Variants in SEC14L3 observed in about 807,000 individuals in gnomAD.
The protein encoded by SEC14L3 is SEC14 like lipid binding 3.
Under a neutral mutation model 57.4 loss-of-function variants are expected in SEC14L3, and 56 were observed. The observed-to-expected ratio is 0.97, with a 90% CI of 0.79 to 1.22. SEC14L3 has a LOEUF of 1.22. Ranked by LOEUF, SEC14L3 falls within the 50% of genes most tolerant of loss-of-function variation. The pLI, the probability that SEC14L3 is intolerant of heterozygous loss-of-function variation, is 0.00. For synonymous variants in SEC14L3, 173 were observed against 194.4 expected, an observed-to-expected ratio of 0.89 and a Z score of 0.92; for missense variants, 485 against 511.7, an observed-to-expected ratio of 0.95 and a Z score of 0.50.
chr22:30,455,958 G>T (rs914403099), downstream of SEC14L3, among the ~76,000 whole-genome samples: 3 of 152,104 alleles, frequency 2.0e-5, no homozygotes, highest in African/African-American at 7.2e-5. Context: ...GCCCTATGCT[G>T]CTAGCTTATC....
chr22:30,471,209 T>C (rs1238537025), intron 1 of SEC14L3: 13 of 429,096 alleles, frequency 3.0e-5, no homozygotes, highest in Non-Finnish European at 5.5e-5. Flanking sequence ...TGCTTGAACC[T>C]GGGAGACAGA....
rs551036110 is a variant in SEC14L3 at position 30,469,322 on chromosome 22, A to G, written c.235-626T>C. 4.5e-4 allele frequency among the ~76,000 whole-genome samples: 68 copies of G among 152,220 alleles called. No homozygotes were observed. The South Asian group carries it at 0.014, about 31-fold the overall frequency. ...TGAGACCCCATCCAAAAAAAAAAAAAAAAAGCAGATACTGCTGCTTCTGTA... is the reference window on the plus strand; with the variant it reads ...TGAGACCCCATCCAAAAAAAAAAAAGAAAAGCAGATACTGCTGCTTCTGTA... On this transcript the variant is annotated intron_variant, in intron 4 of 11. Coordinates refer to ENST00000215812, the MANE Select transcript of SEC14L3 (RefSeq NM_174975.5).
chr22:30,467,117 G>T, intron 5 of SEC14L3, 40 bp from the exon 6 acceptor site: 1 of 1,612,648 alleles, frequency 6.2e-7, no homozygotes, highest in Non-Finnish European at 8.5e-7. Context: ...GGAGTTCAGG[G>T]TGTAGGCTTG....
At chr22:30,453,464 G>T (rs5749099) in intron 12 of SEC14L3, among the ~76,000 whole-genome samples, 39,849 of 152,020 alleles carry the variant, frequency 0.26, 5,530 homozygotes, top group East Asian at 0.32. Context: ...CCAGGCTGGG[G>T]TGCAATGGCG....
Position 30,464,824 on chromosome 22 carries a change from C to A in SEC14L3, c.660G>T (p.Leu220Phe), listed in dbSNP as rs775652681. The change falls in exon 8 of 12, where the codon TTG (leucine) becomes TTT (phenylalanine). Residue 220 changes from leucine to phenylalanine, a missense_variant. Leu to Phe is a conservative substitution (Grantham distance 22). Coordinates refer to ENST00000215812, the MANE Select transcript of SEC14L3 (RefSeq NM_174975.5). ...AATTGAGCTGGCACTACTTACTTCC[C>A]AACACAATAATTTTCCTGCGAGTGT... ...SEDTRRKIIV[L>F]GNNWKEGLLK... is the part of the protein sequence containing the mutation. The A allele has an allele frequency of 1.2e-6, 2 of 1,614,022 alleles. No individual in the cohort carries two copies. Among genetic ancestry groups the A allele is most frequent in the Non-Finnish European group, 1.7e-6 (2 of 1,179,924 alleles).
chr22:30,462,167 T>C lies in SEC14L3; in HGVS notation c.690A>G (p.Lys230=). The C allele has an allele frequency of 1.2e-6, 2 of 1,613,692 alleles. No homozygotes were observed. The highest frequency in any genetic ancestry group is 1.1e-5 in the South Asian group (1 of 90,974). The change falls in exon 9 of 12, where the codon AAA becomes AAG. Residue 230 remains lysine (K), a synonymous_variant. Coordinates refer to ENST00000215812, the MANE Select transcript of SEC14L3 (RefSeq NM_174975.5). ...CAGGCAGTTCCTCAGGACTGATGAG[T>C]TTCAGCAAACCTTCCTTCCAGTTAT... ...LGNNWKEGLL[K]LISPEELPAQ...
chr22:30,466,433 C>T, intron 6 of SEC14L3, 39 bp from the exon 7 acceptor site: 2 of 1,613,844 alleles, frequency 1.2e-6, no homozygotes, highest in Non-Finnish European at 8.5e-7. Flanking sequence ...GAGCACATCA[C>T]ATCTTCTCCT....
intron 11 of SEC14L3, among the ~76,000 whole-genome samples, chr22:30,460,373 C>T (rs1569227664): frequency 6.6e-6 from 1 of 152,176 alleles, no homozygotes; most frequent in Non-Finnish European, 1.5e-5. Context: ...TTACTGGCAT[C>T]GAGAACAATG....
chr22:30,453,121 T>C (rs546420002), intron 12 of SEC14L3, among the ~76,000 whole-genome samples: 1 of 152,168 alleles, frequency 6.6e-6, no homozygotes, highest in Non-Finnish European at 1.5e-5. Context: ...TTCAGGTACC[T>C]CAACAGGATA....
At chr22:30,470,177 C>T in intron 3 of SEC14L3, 35 bp downstream of exon 3, 1 of 1,613,874 alleles carries the variant, frequency 6.2e-7, no homozygotes, top group African/African-American at 1.3e-5. Flanking sequence ...CCTGACAAAT[C>T]CCCTCCATAA....
intron 3 of SEC14L3, 55 bp from the exon 4 acceptor site, chr22:30,470,133 G>GGGA: frequency 6.2e-7 from 1 of 1,612,516 alleles, no homozygotes; most frequent in Non-Finnish European, 8.5e-7. Flanking sequence ...CCTGAGAACA[G>GGGA]GGATGGAAGG....
In SEC14L3 at chr22:30,461,604, A is replaced by G. The variant is rs780634637; in HGVS notation, c.862T>C (p.Ser288Pro). Residue 288 changes from serine (S) to proline (P), a missense_variant, in exon 10 of 12, where the codon TCA (serine) becomes CCA (proline). Ser to Pro is a moderately conservative substitution (Grantham distance 74, BLOSUM62 -1). Transcript: ENST00000215812. Reference sequence around the variant, plus strand: ...ATCTCGTATTCCACTTGGTGTGATGAGCCGCGGTTGATCTGCACCGAGTGC... The same window carrying G: ...ATCTCGTATTCCACTTGGTGTGATGGGCCGCGGTTGATCTGCACCGAGTGC... The part of the protein sequence containing the change: ...YEHSVQINRG[S>P]SHQVEYEILF... 1.2e-6 allele frequency: 2 copies of G among 1,613,970 alleles called. No individual in the cohort carries two copies. The highest frequency in any genetic ancestry group is 1.7e-6 in the Non-Finnish European group (2 of 1,180,002).
chr22:30,456,852 T>G (rs1185511429), downstream of SEC14L3, among the ~76,000 whole-genome samples: 11 of 152,158 alleles, frequency 7.2e-5, no homozygotes, highest in Non-Finnish European at 1.2e-4. Flanking sequence ...GAAGCCTGCC[T>G]CTTACTGGCT....
At chr22:30,448,289 C>G (rs1017640247) in exon 13 of SEC14L3, 1 of 152,258 alleles carries the variant, frequency 6.6e-6, no homozygotes, top group Non-Finnish European at 1.5e-5. Flanking sequence ...GTCCCTTGCT[C>G]CTTCCCCCAA....
In SEC14L3 at chr22:30,471,927, T is replaced by G. The variant is rs747920798; in HGVS notation, c.32A>C (p.Lys11Thr). ...CACCTTGGCCAGGGTCTCTGCCTGT[T>G]TGGGGCTCAGGTCTCCAACTCGGCC... MSGRVGDLSP[K>T]QAETLAKFRE... The change falls in exon 1 of 12, where the codon AAA becomes ACA. Residue 11 changes from lysine (K) to threonine (T), a missense_variant. Physicochemically the swap from Lys to Thr is moderately conservative, Grantham distance 78 (BLOSUM62 -1). Coordinates refer to ENST00000215812, the MANE Select transcript of SEC14L3 (RefSeq NM_174975.5). The G allele has an allele frequency of 1.9e-6, 3 of 1,612,108 alleles. No homozygotes were observed. In the Admixed American group the frequency reaches 5.0e-5, roughly 27 times the overall value.
intron 12 of SEC14L3, chr22:30,449,261 G>C (rs1034036245): frequency 1.9e-6 from 3 of 1,548,360 alleles, no homozygotes; most frequent in South Asian, 1.2e-5. Flanking sequence ...AATTGAGGTG[G>C]TTATGAGAAA....
At chr22:30,448,897 A>T in exon 13 of SEC14L3, 1 of 577,696 alleles carries the variant, frequency 1.7e-6, no homozygotes, top group Non-Finnish European at 3.0e-6. Flanking sequence ...GTCTCTAAAA[A>T]ACAAACAAAC....
At position 30,468,525 on chromosome 22, in the gene SEC14L3, C is replaced by T. The variant is rs746905174; in HGVS notation, c.406G>A (p.Asp136Asn). 3 of 1,613,012 alleles carry T rather than the reference C, an allele frequency of 1.9e-6. No individual in the cohort carries two copies. In the South Asian group the frequency reaches 3.3e-5, roughly 18 times the overall value. The change falls in exon 5 of 12, where the codon GAC becomes AAC. Residue 136 changes from aspartate to asparagine, a missense_variant. Asp to Asn is a conservative substitution (Grantham distance 23). Transcript: ENST00000215812. Reference protein sequence around the residue: ...RDCERILHECDLQTERLGKKI... With the variant: ...RDCERILHECNLQTERLGKKI... ...GACCTCACCCTCTCTGTCTGCAGGT[C>T]ACACTCATGCAGGATGCGCTCACAG...
At chr22:30,460,486 G>C in intron 11 of SEC14L3, among the ~76,000 whole-genome samples, 1 of 152,200 alleles carries the variant, frequency 6.6e-6, no homozygotes, top group East Asian at 1.9e-4. Context: ...TGGATGAAGT[G>C]GGGTTCTGGG....
Sources: gnomAD v4.1 joint callset for allele counts (sites outside exome capture counted in the v4.1 genomes callset) on GRCh38, gnomAD v4.1.1 for gene constraint, MANE v1.5 for transcripts, NCBI Gene and HGNC (gene_info 2026-07-23, HGNC 2026-07-21) for gene names.